The following BCAR3 variants were observed in gnomAD, a reference collection of about 807,000 sequenced individuals.
The protein encoded by BCAR3 is breast cancer anti-estrogen resistance protein 3.
A neutral mutation model predicts 80.1 loss-of-function variants in BCAR3; 37 were observed. The ratio of observed to expected loss-of-function variants is 0.46; its 90% CI spans 0.36 to 0.61. BCAR3 has a LOEUF of 0.61. BCAR3 is among the 20% of genes least tolerant of loss of function. BCAR3 has a pLI of 0.00. For synonymous variants in BCAR3, 389 were observed against 418.9 expected (o/e 0.93, Z 0.87); for missense variants, 978 against 1,068.2 (o/e 0.92, Z 1.18).
intron 2 of BCAR3, among the ~76,000 whole-genome samples, chr1:93,743,740 G>C (rs1483205669): frequency 1.3e-5 from 2 of 152,194 alleles, no homozygotes; most frequent in African/African-American, 4.8e-5. Context: ...CTACAACTAA[G>C]TACACTGACT....
chr1:93,694,139 A>T (rs12090736), intron 3 of BCAR3, among the ~76,000 whole-genome samples: 23,584 of 152,220 alleles, frequency 0.15, 2,293 homozygotes, highest in African/African-American at 0.27. Context: ...CACACCTGGT[A>T]GCTTCAGCCT....
intron 2 of BCAR3, among the ~76,000 whole-genome samples, chr1:93,781,242 G>A (rs780946475): frequency 6.6e-6 from 1 of 152,210 alleles, no homozygotes; most frequent in Non-Finnish European, 1.5e-5. Context: ...TGAATTTCAT[G>A]TTATTTTCAC....
chr1:93,734,763 G>A (rs1014287913), intron 2 of BCAR3, among the ~76,000 whole-genome samples: 2 of 152,230 alleles, frequency 1.3e-5, no homozygotes, highest in Non-Finnish European at 1.5e-5. Flanking sequence ...AGGGGCTTCA[G>A]AATAGCGGGC....
intron 3 of BCAR3, among the ~76,000 whole-genome samples, chr1:93,697,001 C>T (rs1649434246): frequency 2.0e-5 from 3 of 152,296 alleles, no homozygotes; most frequent in South Asian, 2.1e-4. Flanking sequence ...CTGGCGTCTC[C>T]GTGCACCCAC....
chr1:93,681,778 C>T lies in BCAR3; in HGVS notation c.-192G>A, dbSNP rs1258942414. On this transcript the variant is annotated 5_prime_UTR_variant, in exon 1 of 12. Coordinates refer to ENST00000260502, the MANE Select transcript of BCAR3 (RefSeq NM_003567.4). The stretch of plus-strand genomic sequence containing the variant: ...CCGCGCGCGTCTAGCCGGTGCGCCC[C>T]GCAGCTCCGGCTCCGGTCCCGGCCC... The T allele has an allele frequency of 2.0e-5, 3 of 151,980 alleles. No homozygotes were observed. The highest frequency in any genetic ancestry group is 7.2e-5 in the African/African-American group (3 of 41,394). The allele number at this position is 151,980 out of a possible 1,614,324, so 9.4% of individuals were successfully genotyped here.
chr1:93,685,119 G>A (rs1242085729), upstream of BCAR3, among the ~76,000 whole-genome samples: 1 of 152,212 alleles, frequency 6.6e-6, no homozygotes, highest in Non-Finnish European at 1.5e-5. Context: ...CATGGTAGAT[G>A]CTCAATATAT....
intron 2 of BCAR3, among the ~76,000 whole-genome samples, chr1:93,795,496 T>C (rs1243940459): frequency 2.1e-4 from 9 of 43,074 alleles, no homozygotes; most frequent in Admixed American, 3.6e-4. Context: ...AGCCTTGGTT[T>C]TCAGCTCCAT....
intron 7 of BCAR3, among the ~76,000 whole-genome samples, chr1:93,578,686 A>G (rs1034909044): frequency 6.6e-6 from 1 of 151,832 alleles, no homozygotes; most frequent in Non-Finnish European, 1.5e-5. Flanking sequence ...GGCGTTTCCC[A>G]CCTGGGTTGT....
intron 2 of BCAR3, among the ~76,000 whole-genome samples, chr1:93,763,854 A>G (rs1200119511): frequency 1.3e-5 from 2 of 152,176 alleles, no homozygotes; most frequent in African/African-American, 4.8e-5. Context: ...TATGAATATG[A>G]TGTCACTGAA....
At chr1:93,799,306 C>T (rs1459294227) in intron 2 of BCAR3, among the ~76,000 whole-genome samples, 3 of 152,174 alleles carry the variant, frequency 2.0e-5, no homozygotes, top group Non-Finnish European at 2.9e-5. Context: ...TCAAAGCAGG[C>T]GCCCTTGTAA....
intron 3 of BCAR3, among the ~76,000 whole-genome samples, chr1:93,699,352 C>T (rs887732970): frequency 2.0e-5 from 3 of 152,324 alleles, no homozygotes; most frequent in Non-Finnish European, 4.4e-5. Context: ...GCACTTGAAG[C>T]CAATCTCCCT....
intron 3 of BCAR3, among the ~76,000 whole-genome samples, chr1:93,615,781 T>C (rs1020479864): frequency 2.0e-5 from 3 of 152,160 alleles, no homozygotes; most frequent in African/African-American, 7.2e-5. Flanking sequence ...GCATGACTCA[T>C]CAATCAGGCC....
At chr1:93,803,564 G>T (rs1653565561) in intron 2 of BCAR3, among the ~76,000 whole-genome samples, 1 of 152,166 alleles carries the variant, frequency 6.6e-6, no homozygotes, top group African/African-American at 2.4e-5. Context: ...CTCCTCCAGA[G>T]TCAGTTCAAA....
At chr1:93,810,824 C>T (rs1653816606) in intron 2 of BCAR3, among the ~76,000 whole-genome samples, 1 of 152,152 alleles carries the variant, frequency 6.6e-6, no homozygotes, top group Non-Finnish European at 1.5e-5. Flanking sequence ...ATATGTAGAA[C>T]AGAGCAGTAC....
chr1:93,637,966 G>A (rs1675845650), intron 3 of BCAR3, among the ~76,000 whole-genome samples: 1 of 152,002 alleles, frequency 6.6e-6, no homozygotes, highest in Admixed American at 6.6e-5. Flanking sequence ...ACAAAAGTGT[G>A]GGCTGGGGCG....
chr1:93,740,559 C>T (rs767070614), intron 2 of BCAR3, among the ~76,000 whole-genome samples: 1 of 152,144 alleles, frequency 6.6e-6, no homozygotes, highest in African/African-American at 2.4e-5. Flanking sequence ...GCTTGTTGTC[C>T]ACTCTGCTCA....
At chr1:93,596,640 T>C (rs193000971) in intron 3 of BCAR3, among the ~76,000 whole-genome samples, 1 of 152,346 alleles carries the variant, frequency 6.6e-6, no homozygotes, top group Non-Finnish European at 1.5e-5. Flanking sequence ...TGAATAATCA[T>C]TCGCTCACAT....
At chr1:93,620,835 T>G (rs1403995691) in intron 3 of BCAR3, among the ~76,000 whole-genome samples, 2 of 152,162 alleles carry the variant, frequency 1.3e-5, no homozygotes, top group Non-Finnish European at 2.9e-5. Flanking sequence ...TCCTCAGATG[T>G]TGTGACCCCT....
intron 2 of BCAR3, among the ~76,000 whole-genome samples, chr1:93,746,762 C>T (rs1418810339): frequency 6.6e-6 from 1 of 152,170 alleles, no homozygotes. Context: ...ACTAACACAA[C>T]TCCCACACTC....
Sources: gnomAD v4.1 joint callset for allele counts (sites outside exome capture counted in the v4.1 genomes callset) on GRCh38, gnomAD v4.1.1 for gene constraint, MANE v1.5 for transcripts, NCBI Gene and HGNC (gene_info 2026-07-23, HGNC 2026-07-21) for gene names.